RANBP2: variants seen among roughly 807,000 people sequenced by gnomAD.
The protein encoded by RANBP2 is E3 SUMO-protein ligase RanBP2.
Under a neutral mutation model 303.6 loss-of-function variants are expected in RANBP2, and 57 were observed. That is an observed-to-expected ratio of 0.19 (90% CI 0.15 to 0.23). The LOEUF (loss-of-function observed/expected upper bound fraction) is 0.23, where lower values mean the gene tolerates loss of function less well. Ranked by LOEUF, RANBP2 falls within the 10% of genes least tolerant of loss-of-function variation. RANBP2 has a pLI of 1.00. For missense variants in RANBP2, 3,138 were observed against 3,780.8 expected (o/e 0.83, Z 4.46); for synonymous variants, 1,167 against 1,301.5 (o/e 0.90, Z 2.23).
At chr2:109,126,357 G>A in the RANBP2 span, among the ~76,000 whole-genome samples, 44 of 152,314 alleles carry the variant, frequency 2.9e-4, no homozygotes, top group East Asian at 2.1e-3. Context: ...GATGTACTGA[G>A]GGCAGAGATG....
the RANBP2 span, among the ~76,000 whole-genome samples, chr2:109,715,279 T>C: frequency 2.0e-5 from 3 of 152,092 alleles, no homozygotes; most frequent in Non-Finnish European, 2.9e-5. Flanking sequence ...TAGTACTTTT[T>C]GTATTTTTTG....
chr2:109,266,794 G>A, the RANBP2 span, among the ~76,000 whole-genome samples: 3 of 152,184 alleles, frequency 2.0e-5, no homozygotes, highest in Admixed American at 6.5e-5. Flanking sequence ...ACTCGCACAT[G>A]CATGAGAGAG....
chr2:109,532,821 C>T, the RANBP2 span, among the ~76,000 whole-genome samples: 2 of 152,138 alleles, frequency 1.3e-5, no homozygotes, highest in African/African-American at 2.4e-5. Flanking sequence ...CATTCTGCCC[C>T]GTGACGCCTC....
At chr2:109,604,030 C>T in the RANBP2 span, among the ~76,000 whole-genome samples, 1 of 151,664 alleles carries the variant, frequency 6.6e-6, no homozygotes, top group Non-Finnish European at 1.5e-5. Context: ...GGCATAGTGG[C>T]AGATGCCTGT....
intron 25 of RANBP2, 73 bp downstream of exon 25, chr2:108,777,304 T>TG: frequency 9.9e-7 from 1 of 1,011,152 alleles, no homozygotes; most frequent in South Asian, 1.6e-5. Context: ...AGTTTTTTGT[T>TG]GCAGTATATA....
chr2:108,881,116 T>C, the RANBP2 span, among the ~76,000 whole-genome samples: 1 of 152,232 alleles, frequency 6.6e-6, no homozygotes, highest in African/African-American at 2.4e-5. Flanking sequence ...GGTCTTCCAA[T>C]AGAAGGCTGT....
At chr2:109,217,464 T>A in the RANBP2 span, among the ~76,000 whole-genome samples, 1 of 152,180 alleles carries the variant, frequency 6.6e-6, no homozygotes, top group African/African-American at 2.4e-5. Context: ...ATGGCCACGA[T>A]TGGTAAATAG....
chr2:109,532,207 G>T, the RANBP2 span, among the ~76,000 whole-genome samples: 1 of 152,234 alleles, frequency 6.6e-6, no homozygotes, highest in African/African-American at 2.4e-5. Context: ...CTCCCAGGAG[G>T]TGTGGGCAGA....
At chr2:109,730,776 C>CTTTTTTTTT in the RANBP2 span, among the ~76,000 whole-genome samples, 1 of 79,410 alleles carries the variant, frequency 1.3e-5, no homozygotes, top group Non-Finnish European at 2.5e-5. Context: ...CTCTCTCTCT[C>CTTTTTTTTT]TTTTTTTTTT....
chr2:109,498,303 T>C, the RANBP2 span, among the ~76,000 whole-genome samples: 1 of 152,204 alleles, frequency 6.6e-6, no homozygotes, highest in African/African-American at 2.4e-5. Context: ...TGGCCTGTTC[T>C]GCTTCCCCAG....
the RANBP2 span, among the ~76,000 whole-genome samples, chr2:108,958,428 A>C: frequency 6.6e-6 from 1 of 152,098 alleles, no homozygotes; most frequent in Non-Finnish European, 1.5e-5. Flanking sequence ...AACAAAAAAC[A>C]AAAAACAAAA....
the RANBP2 span, among the ~76,000 whole-genome samples, chr2:108,899,728 A>G: frequency 0.041 from 6,272 of 152,250 alleles, 438 homozygotes; most frequent in African/African-American, 0.14. Flanking sequence ...GCTCACACCT[A>G]TAATCCAAGC....
the RANBP2 span, among the ~76,000 whole-genome samples, chr2:109,050,820 T>C: frequency 2.0e-5 from 3 of 152,102 alleles, no homozygotes; most frequent in East Asian, 5.8e-4. Flanking sequence ...ATTATATAAT[T>C]ATTAAATAAT....
At chr2:109,694,800 G>GGTGTGTGTGT in the RANBP2 span, among the ~76,000 whole-genome samples, 1 of 80,114 alleles carries the variant, frequency 1.2e-5, no homozygotes, top group East Asian at 4.3e-4. Context: ...TATCCATAGG[G>GGTGTGTGTGT]ATGTGTGTGT....
chr2:109,154,989 C>A, the RANBP2 span, among the ~76,000 whole-genome samples: 1 of 152,144 alleles, frequency 6.6e-6, no homozygotes, highest in Admixed American at 6.5e-5. Context: ...TGATAGCCAG[C>A]CTTCATAGGA....
At chr2:108,728,658 C>A (rs978610361) in intron 1 of RANBP2, among the ~76,000 whole-genome samples, 2 of 151,418 alleles carry the variant, frequency 1.3e-5, no homozygotes, top group Non-Finnish European at 2.9e-5. Flanking sequence ...GATGGAGTCT[C>A]GCTCTGTCGC....
the RANBP2 span, among the ~76,000 whole-genome samples, chr2:109,466,705 T>G: frequency 6.6e-6 from 1 of 152,240 alleles, no homozygotes; most frequent in African/African-American, 2.4e-5. Flanking sequence ...TTCATAGTTT[T>G]GCATTTTACA....
chr2:108,933,919 T>G, the RANBP2 span, among the ~76,000 whole-genome samples: 1 of 152,188 alleles, frequency 6.6e-6, no homozygotes, highest in Non-Finnish European at 1.5e-5. Flanking sequence ...TTAGCAGAGA[T>G]AGGTTTCCAC....
chr2:109,625,564 T>A, the RANBP2 span, among the ~76,000 whole-genome samples: 1 of 150,846 alleles, frequency 6.6e-6, no homozygotes, highest in Non-Finnish European at 1.5e-5. Context: ...TACTCGGAAG[T>A]CTGAGGAAGG....
Sources: allele counts gnomAD v4.1 joint callset (sites outside exome capture counted in the v4.1 genomes callset), GRCh38; gene constraint gnomAD v4.1.1; transcripts MANE v1.5; gene names NCBI Gene and HGNC (gene_info 2026-07-23, HGNC 2026-07-21).